Variants in TOX observed in about 807,000 individuals in gnomAD.
TOX encodes the protein thymocyte selection associated high mobility group box, also known as thymocyte selection-associated high mobility group box protein TOX.
Under a neutral mutation model 53.7 loss-of-function variants are expected in TOX, and 11 were observed. The ratio of observed to expected loss-of-function variants is 0.20; its 90% CI spans 0.13 to 0.34. The LOEUF is 0.34. TOX is among the 10% of genes least tolerant of loss of function. TOX has a pLI of 1.00. For synonymous variants in TOX, 225 were observed against 245.3 expected (o/e 0.92, Z 0.77); for missense variants, 570 against 664.6 (o/e 0.86, Z 1.56).
chr8:58,926,129 A>C (rs1324399341), intron 3 of TOX, among the ~76,000 whole-genome samples: 1 of 152,214 alleles, frequency 6.6e-6, no homozygotes, highest in Non-Finnish European at 1.5e-5. Context: ...ATCTTCTGAG[A>C]TATCAAAGTA....
At chr8:59,073,592 T>A (rs543794444) in intron 1 of TOX, among the ~76,000 whole-genome samples, 1 of 152,244 alleles carries the variant, frequency 6.6e-6, no homozygotes, top group East Asian at 1.9e-4. Context: ...TTGTTTTAAA[T>A]CACAGAATTT....
At chr8:59,046,687 A>G (rs149671573) in intron 1 of TOX, among the ~76,000 whole-genome samples, 3,306 of 151,694 alleles carry the variant, frequency 0.022, 84 homozygotes, top group South Asian at 0.087. Context: ...GTGAAACTCC[A>G]CCTCTACTAA....
At position 59,080,709 on chromosome 8, in the gene TOX, A is replaced by G. The variant is rs549687401; in HGVS notation, c.102+38177T>C. 7.2e-5 allele frequency among the ~76,000 whole-genome samples: 11 copies of G among 152,212 alleles called. No homozygotes were observed. The East Asian group carries it at 2.1e-3, about 29-fold the overall frequency. ...CAGTGAGTTCTCACAAGATCCGGTC[A>G]TTTAAGTCTGTGGCACCTTCCCCCC... On this transcript the variant is annotated intron_variant, in intron 1 of 8. Coordinates refer to ENST00000361421, the MANE Select transcript of TOX (RefSeq NM_014729.3).
At chr8:58,963,314 T>TAGATAGATAGATAG (rs1554533756) in intron 1 of TOX, among the ~76,000 whole-genome samples, 6 of 130,744 alleles carry the variant, frequency 4.6e-5, no homozygotes, top group African/African-American at 1.3e-4. Flanking sequence ...TAGATATATA[T>TAGATAGATAGATAG]ATAGATAGAT....
intron 1 of TOX, among the ~76,000 whole-genome samples, chr8:59,097,162 G>A (rs963544878): frequency 9.9e-5 from 15 of 152,138 alleles, no homozygotes; most frequent in Non-Finnish European, 1.5e-4. Context: ...CACCATCCCC[G>A]GGAAGGTTCT....
At chr8:58,962,678 T>C (rs1425827723) in intron 1 of TOX, among the ~76,000 whole-genome samples, 1 of 152,184 alleles carries the variant, frequency 6.6e-6, no homozygotes, top group Admixed American at 6.5e-5. Context: ...TGGTGGCACA[T>C]GTCTGTGGTC....
At chr8:59,116,723 T>C (rs928312160) in intron 1 of TOX, among the ~76,000 whole-genome samples, 1 of 152,224 alleles carries the variant, frequency 6.6e-6, no homozygotes, top group African/African-American at 2.4e-5. Context: ...CTTTGGATTT[T>C]AAAAAATCTA....
At chr8:58,814,260 A>G (rs1810134324) in intron 7 of TOX, among the ~76,000 whole-genome samples, 1 of 152,174 alleles carries the variant, frequency 6.6e-6, no homozygotes, top group Non-Finnish European at 1.5e-5. Context: ...TTCCACAGAG[A>G]GGTAGACATC....
At chr8:58,977,793 T>C (rs2129180294) in intron 1 of TOX, among the ~76,000 whole-genome samples, 1 of 152,270 alleles carries the variant, frequency 6.6e-6, no homozygotes, top group Non-Finnish European at 1.5e-5. Flanking sequence ...ATCAATTAAG[T>C]TCATTGTCTT....
chr8:59,079,439 C>G (rs188793380), intron 1 of TOX, among the ~76,000 whole-genome samples: 107 of 152,258 alleles, frequency 7.0e-4, no homozygotes, highest in Non-Finnish European at 1.2e-3. Flanking sequence ...CCTTTAACGC[C>G]TTGGGACACT....
At chr8:58,924,996 C>T (rs1241063201) in intron 3 of TOX, among the ~76,000 whole-genome samples, 1 of 152,190 alleles carries the variant, frequency 6.6e-6, no homozygotes. Flanking sequence ...CTGCAGCGCT[C>T]CCTACTTTCC....
chr8:59,080,898 T>C (rs1306973869), intron 1 of TOX, among the ~76,000 whole-genome samples: 1 of 152,232 alleles, frequency 6.6e-6, no homozygotes, highest in Non-Finnish European at 1.5e-5. Flanking sequence ...AGGTATTTCT[T>C]TACAACAATG....
At chr8:59,057,642 A>G (rs145013728) in intron 1 of TOX, among the ~76,000 whole-genome samples, 54 of 152,284 alleles carry the variant, frequency 3.5e-4, no homozygotes, top group African/African-American at 1.3e-3. Context: ...TACACAAACA[A>G]AACAGTGTGT....
At chr8:58,891,257 A>G (rs1240662195) in intron 3 of TOX, among the ~76,000 whole-genome samples, 1 of 152,174 alleles carries the variant, frequency 6.6e-6, no homozygotes, top group Non-Finnish European at 1.5e-5. Context: ...GAGACAAAAT[A>G]TTTAAAATAC....
rs569227208 is a variant in TOX at position 59,021,709 on chromosome 8, C to A, written c.103-61701G>T. Among the ~76,000 whole-genome samples the A allele has an allele frequency of 3.3e-5, 5 of 151,966 alleles. 1 individual carries two copies. The South Asian group carries it at 1.0e-3, about 32-fold the overall frequency. On this transcript the variant is annotated intron_variant, in intron 1 of 8. Coordinates refer to ENST00000361421, the MANE Select transcript of TOX (RefSeq NM_014729.3). ...AAGGTGACTCCTGTTGTAGGCACCT[C>A]TTAAAAATTACCATAAACTGGTATA... is the stretch of plus-strand genomic sequence containing the variant.
intron 2 of TOX, among the ~76,000 whole-genome samples, chr8:58,956,209 A>ATTT (rs1812705057): frequency 6.6e-6 from 1 of 152,228 alleles, no homozygotes; most frequent in African/African-American, 2.4e-5. Context: ...TTTATATCTT[A>ATTT]ACAACAGCCT....
intron 1 of TOX, among the ~76,000 whole-genome samples, chr8:58,975,906 T>C (rs1813089636): frequency 6.6e-6 from 1 of 152,096 alleles, no homozygotes; most frequent in Admixed American, 6.5e-5. Flanking sequence ...ACCCCGTCTC[T>C]ACTAAAAATA....
chr8:59,026,121 T>TA (rs200098832), intron 1 of TOX, among the ~76,000 whole-genome samples: 6,952 of 122,272 alleles, frequency 0.057, 272 homozygotes, highest in East Asian at 0.24. Flanking sequence ...CTTAATTTTA[T>TA]GTTTTTTTTT....
At chr8:59,014,354 A>G (rs1229045146) in intron 1 of TOX, among the ~76,000 whole-genome samples, 3 of 152,232 alleles carry the variant, frequency 2.0e-5, no homozygotes, top group African/African-American at 4.8e-5. Flanking sequence ...TCGTAAAATT[A>G]CCAAATTCTC....
Sources: gnomAD v4.1 joint callset for allele counts (sites outside exome capture counted in the v4.1 genomes callset) on GRCh38, gnomAD v4.1.1 for gene constraint, MANE v1.5 for transcripts, NCBI Gene and HGNC (gene_info 2026-07-23, HGNC 2026-07-21) for gene names.